The following NPAS3 variants were observed in gnomAD, a reference collection of about 807,000 sequenced individuals.
NPAS3 encodes the protein neuronal PAS domain-containing protein 3.
NPAS3 carries 14 observed loss-of-function variants against 73.1 expected under a neutral mutation model. The ratio of observed to expected loss-of-function variants is 0.19; its 90% CI spans 0.13 to 0.30. The LOEUF (loss-of-function observed/expected upper bound fraction) is 0.30, where lower values mean the gene tolerates loss of function less well. Ranked by LOEUF, NPAS3 falls within the 10% of genes least tolerant of loss-of-function variation. The pLI, the probability that NPAS3 is intolerant of heterozygous loss-of-function variation, is 1.00. For synonymous variants in NPAS3, 620 were observed against 541.5 expected (o/e 1.14, Z -2.01); for missense variants, 1,096 against 1,250.0 (o/e 0.88, Z 1.86).
At chr14:33,211,307 G>A (rs866753289) in intron 2 of NPAS3, among the ~76,000 whole-genome samples, 6 of 152,202 alleles carry the variant, frequency 3.9e-5, no homozygotes, top group Middle Eastern at 3.2e-3. Flanking sequence ...TAGGCTGGGC[G>A]TGGTGGCTCA....
chr14:33,696,154 T>C (rs1209321909), intron 6 of NPAS3, among the ~76,000 whole-genome samples: 1 of 152,192 alleles, frequency 6.6e-6, no homozygotes, highest in Non-Finnish European at 1.5e-5. Flanking sequence ...GGTTTTAGTA[T>C]TTTTCTATTC....
intron 3 of NPAS3, among the ~76,000 whole-genome samples, chr14:33,256,200 TTGTG>T (rs1313325636): frequency 6.6e-6 from 1 of 152,212 alleles, no homozygotes; most frequent in Non-Finnish European, 1.5e-5. Flanking sequence ...TCATAATAGT[TTGTG>T]TGTCACATTA....
rs564587404 is a variant in NPAS3, at chr14:33,299,083, G to T, written c.386-68103G>T. ...CTTCTCATGGATTCTTGCCTTTAAG[G>T]CCCCAAATAGAGTTTCTGGAGCTGC... On this transcript the variant is annotated intron_variant, in intron 3 of 11. Coordinates refer to ENST00000356141, the Ensembl canonical transcript of NPAS3. Among the ~76,000 whole-genome samples the T allele has an allele frequency of 2.0e-5, 3 of 152,196 alleles. No individual in the cohort carries two copies. The East Asian group carries it at 5.8e-4, about 29-fold the overall frequency.
chr14:33,428,580 A>T (rs1442247943), intron 4 of NPAS3, among the ~76,000 whole-genome samples: 1 of 152,116 alleles, frequency 6.6e-6, no homozygotes, highest in Non-Finnish European at 1.5e-5. Context: ...CAACTAATTT[A>T]ATCTGGTTGA....
chr14:33,621,639 G>A (rs1190705123), intron 5 of NPAS3, among the ~76,000 whole-genome samples: 1 of 152,170 alleles, frequency 6.6e-6, no homozygotes, highest in Non-Finnish European at 1.5e-5. Context: ...TCTGATGGAT[G>A]TGGTAGCCAT....
At chr14:33,163,986 A>ATTGGGAAGCTGGCAGGG (rs2045022777) in intron 2 of NPAS3, among the ~76,000 whole-genome samples, 1 of 152,222 alleles carries the variant, frequency 6.6e-6, no homozygotes, top group African/African-American at 2.4e-5. Context: ...TCAGAGGAGC[A>ATTGGGAAGCTGGCAGGG]TTGGGAAGCT....
rs567101841 is a variant in NPAS3, at chr14:33,662,665, G to A, written c.559-13546G>A. On this transcript the variant is annotated intron_variant, in intron 5 of 11. Transcript: ENST00000356141. ...AGTTCTCCTTGAAGAGGTCTTTCGC[G>A]TCCCTTGTACATTGTATTCCTAGGT... is the stretch of plus-strand genomic sequence containing the variant. Among the ~76,000 whole-genome samples, 33 of 152,060 alleles carry A rather than the reference G, an allele frequency of 2.2e-4. No homozygotes were observed. The South Asian group carries it at 5.8e-3, about 27-fold the overall frequency.
chr14:33,392,708 T>C (rs1024460685), intron 4 of NPAS3, among the ~76,000 whole-genome samples: 2 of 152,194 alleles, frequency 1.3e-5, no homozygotes, highest in Non-Finnish European at 2.9e-5. Context: ...GTGTGGTGTT[T>C]GAGTAGTGTC....
chr14:33,399,990 C>T (rs1487913219), intron 4 of NPAS3, among the ~76,000 whole-genome samples: 13 of 152,108 alleles, frequency 8.5e-5, no homozygotes, highest in Admixed American at 8.5e-4. Context: ...GCACTGTACA[C>T]ATTATCTCAC....
chr14:33,407,422 C>T (rs950807357), intron 4 of NPAS3, among the ~76,000 whole-genome samples: 2 of 152,132 alleles, frequency 1.3e-5, no homozygotes, highest in Non-Finnish European at 2.9e-5. Flanking sequence ...AAACACATCC[C>T]TGAATCTTCA....
rs181195715 is a variant in NPAS3 at position 33,315,112 on chromosome 14, G to A, written c.386-52074G>A. Among the ~76,000 whole-genome samples the A allele has an allele frequency of 4.6e-5, 7 of 152,138 alleles. No homozygotes were observed. The East Asian group carries it at 1.4e-3, about 29-fold the overall frequency. On this transcript the variant is annotated intron_variant, in intron 3 of 11. Coordinates refer to ENST00000356141, the Ensembl canonical transcript of NPAS3. ...GTGGGCAGTGAGCTGATGTGAGGAT[G>A]CTTCTTGGAGGAAATAATTGAAGCT... is the stretch of plus-strand genomic sequence containing the variant.
intron 1 of NPAS3, among the ~76,000 whole-genome samples, chr14:33,030,813 A>T (rs1159090236): frequency 6.6e-6 from 1 of 152,194 alleles, no homozygotes; most frequent in Admixed American, 6.5e-5. Flanking sequence ...GTACATATAC[A>T]CAAGTGCATT....
intron 4 of NPAS3, among the ~76,000 whole-genome samples, chr14:33,406,658 C>T (rs1442312370): frequency 3.3e-5 from 5 of 152,046 alleles, no homozygotes; most frequent in Non-Finnish European, 5.9e-5. Flanking sequence ...TGCTGAAAAC[C>T]ACATTTTAAA....
chr14:33,094,408 T>G (rs1050991062), intron 2 of NPAS3, among the ~76,000 whole-genome samples: 1 of 152,276 alleles, frequency 6.6e-6, no homozygotes, highest in East Asian at 1.9e-4. Context: ...TTTAAAATCT[T>G]TGATCTTCCC....
intron 1 of NPAS3, among the ~76,000 whole-genome samples, chr14:33,002,626 G>A (rs2038849811): frequency 6.6e-6 from 1 of 152,178 alleles, no homozygotes; most frequent in South Asian, 2.1e-4. Context: ...GTGAAACGTA[G>A]GATATAGAAG....
At position 33,184,026 on chromosome 14, in the gene NPAS3, C is replaced by G. The variant is rs559206871; in HGVS notation, c.141-31156C>G. Among the ~76,000 whole-genome samples, 8 of 152,232 alleles carry G rather than the reference C, an allele frequency of 5.3e-5. No individual in the cohort carries two copies. The East Asian group carries it at 1.2e-3, about 22-fold the overall frequency. On this transcript the variant is annotated intron_variant, in intron 2 of 11. Transcript: ENST00000356141. The stretch of plus-strand genomic sequence containing the variant: ...CTAGTGAAACCTTCCTTGATCTGAC[C>G]TGAGGTAAGATTGTCCATAATTTCT...
chr14:33,625,469 G>C (rs1444471610), intron 5 of NPAS3, among the ~76,000 whole-genome samples: 1 of 152,142 alleles, frequency 6.6e-6, no homozygotes, highest in African/African-American at 2.4e-5. Context: ...GAGAGTTCAG[G>C]CTGATTAAAG....
intron 3 of NPAS3, among the ~76,000 whole-genome samples, chr14:33,265,813 A>G (rs1566739114): frequency 6.6e-6 from 1 of 152,104 alleles, no homozygotes; most frequent in Non-Finnish European, 1.5e-5. Flanking sequence ...AAAGGAATCT[A>G]CGTTGGCTTT....
In NPAS3 at chr14:33,350,141, T is replaced by C. The variant is rs371803718; in HGVS notation, c.386-17045T>C. On this transcript the variant is annotated intron_variant, in intron 3 of 11. Transcript: ENST00000356141. The stretch of plus-strand genomic sequence containing the variant: ...GGGTACTTTGTTATCAAATTCACTG[T>C]AATGAGCTCTGGTGGGACAGGGTCC... 1.8e-4 allele frequency among the ~76,000 whole-genome samples: 27 copies of C among 152,322 alleles called. No individual in the cohort carries two copies. The East Asian group carries it at 5.2e-3, about 29-fold the overall frequency.
Sources: gnomAD v4.1 joint callset for allele counts (sites outside exome capture counted in the v4.1 genomes callset) on GRCh38, gnomAD v4.1.1 for gene constraint, MANE v1.5 for transcripts, NCBI Gene and HGNC (gene_info 2026-07-23, HGNC 2026-07-21) for gene names.